Variants in TMEM38B observed in about 807,000 individuals in gnomAD.
TMEM38B encodes the protein trimeric intracellular cation channel type B.
In TMEM38B, 24 loss-of-function variants were observed where a neutral mutation model predicts 28.7. The observed-to-expected ratio is 0.84, with a 90% CI of 0.61 to 1.18. TMEM38B has a LOEUF of 1.18. TMEM38B is among the 50% of genes most tolerant of loss of function. The probability of loss-of-function intolerance (pLI) is 0.00; values close to 1 mark genes in which losing one functional copy is unlikely to be tolerated. For synonymous variants in TMEM38B, 131 were observed against 127.7 expected (o/e 1.03, Z -0.17); for missense variants, 380 against 350.9 (o/e 1.08, Z -0.66).
chr9:105,727,392 T>G (rs529473439), intron 4 of TMEM38B, among the ~76,000 whole-genome samples: 1 of 152,332 alleles, frequency 6.6e-6, no homozygotes, highest in Admixed American at 6.5e-5. Flanking sequence ...AATGGCAAGA[T>G]CTCCCTTTAT....
At chr9:105,736,597 T>C (rs908807638) in intron 4 of TMEM38B, among the ~76,000 whole-genome samples, 4 of 152,272 alleles carry the variant, frequency 2.6e-5, no homozygotes, top group African/African-American at 9.6e-5. Context: ...AGGCAGTTTA[T>C]AACTTTTCAT....
intron 4 of TMEM38B, among the ~76,000 whole-genome samples, chr9:105,724,563 C>G (rs572693071): frequency 1.3e-3 from 200 of 150,142 alleles, no homozygotes; most frequent in African/African-American, 4.7e-3. Context: ...GCAGAAGTTG[C>G]AATGAGCTGA....
intron 5 of TMEM38B, among the ~76,000 whole-genome samples, chr9:105,762,042 TTAATATC>T (rs1343133057): frequency 6.6e-6 from 1 of 152,074 alleles, no homozygotes; most frequent in Non-Finnish European, 1.5e-5. Context: ...CCAAGGTTGT[TTAATATC>T]TATTCCTTAA....
chr9:105,772,025 T>C (rs1826560661), intron 5 of TMEM38B, among the ~76,000 whole-genome samples: 1 of 152,260 alleles, frequency 6.6e-6, no homozygotes, highest in Non-Finnish European at 1.5e-5. Context: ...TAGTGCTGTA[T>C]TGTACTTCAG....
chr9:105,773,803 C>G, intron 5 of TMEM38B, 62 bp from the exon 6 acceptor site: 1 of 1,502,554 alleles, frequency 6.7e-7, no homozygotes, highest in Admixed American at 2.0e-5. Flanking sequence ...CCTTTTGTTT[C>G]TCTCTCTTGA....
intron 5 of TMEM38B, chr9:105,760,001 A>G: frequency 6.8e-7 from 1 of 1,479,150 alleles, no homozygotes; most frequent in Non-Finnish European, 9.3e-7. Context: ...GCAATCAATA[A>G]AAGACTCTGC....
In TMEM38B at chr9:105,758,567, G is replaced by C. The variant is rs532645117; in HGVS notation, c.660+10377G>C. On this transcript the variant is annotated intron_variant, in intron 5 of 5. Transcript: ENST00000374692. Reference sequence around the variant, plus strand: ...TCCAACTGTTGAGGAAATTTCTTAAGAATCATGTAATTGAAGATATCAAAG... The same window carrying C: ...TCCAACTGTTGAGGAAATTTCTTAACAATCATGTAATTGAAGATATCAAAG... 41 of 1,173,622 alleles carry C rather than the reference G, an allele frequency of 3.5e-5. 1 individual carries two copies. In the South Asian group the frequency reaches 4.6e-4, roughly 13 times the overall value. 72.7% of individuals were successfully genotyped at this position (1,173,622 alleles called of 1,614,324 possible). A position where few individuals can be genotyped will look rare whatever the true frequency, so the allele number is the denominator to read the frequency against.
At chr9:105,742,904 T>C (rs990983587) in intron 4 of TMEM38B, among the ~76,000 whole-genome samples, 6 of 152,212 alleles carry the variant, frequency 3.9e-5, no homozygotes, top group African/African-American at 1.2e-4. Flanking sequence ...AATTAATTGA[T>C]AACCATAATT....
intron 1 of TMEM38B, among the ~76,000 whole-genome samples, chr9:105,698,156 A>T (rs1200043639): frequency 6.6e-6 from 1 of 150,774 alleles, no homozygotes; most frequent in Admixed American, 6.6e-5. Flanking sequence ...CCTTCCAATG[A>T]ATTCTTTATG....
intron 2 of TMEM38B, among the ~76,000 whole-genome samples, chr9:105,719,346 C>T (rs1238207347): frequency 6.6e-6 from 1 of 152,078 alleles, no homozygotes; most frequent in African/African-American, 2.4e-5. Flanking sequence ...AGGCACTTTA[C>T]AAGTTAAAGT....
chr9:105,730,466 G>A (rs1281234640), intron 4 of TMEM38B, among the ~76,000 whole-genome samples: 2 of 152,112 alleles, frequency 1.3e-5, no homozygotes, highest in African/African-American at 2.4e-5. Context: ...GCTGGATTTG[G>A]TTTGCCAGTA....
intron 4 of TMEM38B, among the ~76,000 whole-genome samples, chr9:105,741,814 A>G (rs1837218835): frequency 6.6e-6 from 1 of 152,230 alleles, no homozygotes; most frequent in Non-Finnish European, 1.5e-5. Flanking sequence ...ATCATTTGGG[A>G]AATTCTCAGC....
chr9:105,736,165 C>T (rs1208100996), intron 4 of TMEM38B, among the ~76,000 whole-genome samples: 2 of 151,718 alleles, frequency 1.3e-5, no homozygotes, highest in African/African-American at 4.8e-5. Context: ...GCTGGGATTA[C>T]ATGTGGATTA....
intron 5 of TMEM38B, among the ~76,000 whole-genome samples, chr9:105,766,620 T>C (rs540260121): frequency 6.6e-6 from 1 of 152,148 alleles, no homozygotes; most frequent in African/African-American, 2.4e-5. Flanking sequence ...TTTACTTTAC[T>C]AGATTTTCCT....
intron 5 of TMEM38B, chr9:105,758,077 G>C (rs1837899380): frequency 2.8e-6 from 1 of 363,590 alleles, no homozygotes; most frequent in African/African-American, 2.0e-5. Flanking sequence ...CAGGGCCAGT[G>C]GTTGTGCTGA....
chr9:105,758,752 TATCTC>T, intron 5 of TMEM38B: 6 of 742,562 alleles, frequency 8.1e-6, no homozygotes, highest in East Asian at 7.7e-5. Context: ...TGATGAAACT[TATCTC>T]ATAGAACTCC....
chr9:105,759,629 G>C, intron 5 of TMEM38B: 1 of 1,581,892 alleles, frequency 6.3e-7, no homozygotes, highest in Non-Finnish European at 8.7e-7. Context: ...GAGGCATCCA[G>C]TGTAAAGAGG....
chr9:105,773,137 A>G (rs564473854), intron 5 of TMEM38B, among the ~76,000 whole-genome samples: 22 of 152,260 alleles, frequency 1.4e-4, no homozygotes, highest in African/African-American at 5.1e-4. Flanking sequence ...TTCTCCTCCC[A>G]GATTTATTTT....
intron 1 of TMEM38B, among the ~76,000 whole-genome samples, chr9:105,695,906 T>G (rs1440384219): frequency 6.6e-6 from 1 of 152,244 alleles, no homozygotes; most frequent in Non-Finnish European, 1.5e-5. Context: ...AAGATATTAT[T>G]TCTTTGATTT....
Sources: gnomAD v4.1 joint callset for allele counts (sites outside exome capture counted in the v4.1 genomes callset) on GRCh38, gnomAD v4.1.1 for gene constraint, MANE v1.5 for transcripts, NCBI Gene and HGNC (gene_info 2026-07-23, HGNC 2026-07-21) for gene names.